The following FAM151B variants were observed in gnomAD, a reference collection of about 807,000 sequenced individuals.
FAM151B encodes protein FAM151B.
In FAM151B, 24 loss-of-function variants were observed where a neutral mutation model predicts 31.2. That is an observed-to-expected ratio of 0.77 (90% CI 0.56 to 1.08). The LOEUF (loss-of-function observed/expected upper bound fraction) is 1.08, where lower values mean the gene tolerates loss of function less well. FAM151B is among the 50% of genes least tolerant of loss of function. The pLI is 0.00. For synonymous variants in FAM151B, 105 were observed against 111.4 expected, an observed-to-expected ratio of 0.94 and a Z score of 0.36; for missense variants, 293 against 328.6, an observed-to-expected ratio of 0.89 and a Z score of 0.84.
chr5:80,489,064 T>C (rs576105188), intron 1 of FAM151B, among the ~76,000 whole-genome samples: 2 of 152,312 alleles, frequency 1.3e-5, no homozygotes, highest in East Asian at 1.9e-4. Flanking sequence ...CTGCATCTTA[T>C]ACTATCCCAT....
chr5:80,504,005 G>T (rs879885335), intron 2 of FAM151B, among the ~76,000 whole-genome samples: 1 of 152,104 alleles, frequency 6.6e-6, no homozygotes, highest in Non-Finnish European at 1.5e-5. Context: ...TGTATCTTCT[G>T]TGTCTCCAGG....
intron 5 of FAM151B, among the ~76,000 whole-genome samples, chr5:80,535,638 G>T (rs953859356): frequency 1.2e-4 from 18 of 152,130 alleles, no homozygotes; most frequent in African/African-American, 3.9e-4. Flanking sequence ...TGAAACTACT[G>T]CAAGAAAACA....
chr5:80,494,607 G>C (rs901722583), intron 1 of FAM151B, among the ~76,000 whole-genome samples: 5 of 151,598 alleles, frequency 3.3e-5, no homozygotes, highest in African/African-American at 9.7e-5. Flanking sequence ...GGACCTCCTG[G>C]GTTCAATCGA....
At chr5:80,536,897 G>C (rs1745539268) in intron 5 of FAM151B, among the ~76,000 whole-genome samples, 1 of 152,138 alleles carries the variant, frequency 6.6e-6, no homozygotes. Context: ...ACCAGAGGCG[G>C]GGATAGGTAG....
At chr5:80,521,144 A>AG (rs1744693743) in intron 4 of FAM151B, among the ~76,000 whole-genome samples, 1 of 99,160 alleles carries the variant, frequency 1.0e-5, no homozygotes, top group Admixed American at 1.2e-4. Context: ...TTTTTTTTAA[A>AG]AAACAGGGTC....
At chr5:80,501,706 T>G in intron 1 of FAM151B, 86 bp from the exon 2 acceptor site, 1 of 900,994 alleles carries the variant, frequency 1.1e-6, no homozygotes, top group Non-Finnish European at 1.7e-6. Flanking sequence ...CATATGTGTA[T>G]CTTAAATATA....
chr5:80,538,626 T>A (rs1157807506), intron 5 of FAM151B, among the ~76,000 whole-genome samples: 5 of 148,888 alleles, frequency 3.4e-5, no homozygotes, highest in Middle Eastern at 3.4e-3. Context: ...AGATGGAGTC[T>A]TGCTCTGTTG....
chr5:80,498,811 T>C, intron 1 of FAM151B: 1 of 474,914 alleles, frequency 2.1e-6, no homozygotes, highest in South Asian at 1.8e-5. Flanking sequence ...TCCTTTTGAA[T>C]GTTGTAGTCA....
intron 3 of FAM151B, among the ~76,000 whole-genome samples, chr5:80,516,827 T>C (rs1015352194): frequency 5.9e-5 from 9 of 152,272 alleles, no homozygotes; most frequent in African/African-American, 2.2e-4. Flanking sequence ...AGGCTTGGTC[T>C]GTTATTTCTT....
intron 1 of FAM151B, chr5:80,498,538 C>G (rs569421407): frequency 9.4e-7 from 1 of 1,063,744 alleles, no homozygotes; most frequent in Non-Finnish European, 1.4e-6. Context: ...AATTACTTGT[C>G]TTCTGGTTTG....
intron 1 of FAM151B, chr5:80,498,901 C>A: frequency 6.2e-6 from 2 of 325,156 alleles, no homozygotes; most frequent in South Asian, 3.4e-5. Flanking sequence ...GGATTTTGGC[C>A]TTTACCTTTT....
intron 5 of FAM151B, among the ~76,000 whole-genome samples, chr5:80,532,837 A>G (rs1030547973): frequency 1.3e-5 from 2 of 152,204 alleles, no homozygotes; most frequent in Non-Finnish European, 2.9e-5. Context: ...AGAAATCAAT[A>G]ATGAGGAATT....
intron 4 of FAM151B, among the ~76,000 whole-genome samples, chr5:80,520,720 GTTTA>G (rs1282895094): frequency 3.5e-5 from 5 of 142,730 alleles, no homozygotes; most frequent in South Asian, 2.2e-4. Context: ...TATGTATATA[GTTTA>G]TTTATATATA....
At chr5:80,528,671 C>T (rs894966897) in intron 5 of FAM151B, among the ~76,000 whole-genome samples, 6 of 151,604 alleles carry the variant, frequency 4.0e-5, no homozygotes, top group African/African-American at 1.5e-4. Context: ...GTGGAGGCTG[C>T]AGTGAGCTAT....
chr5:80,511,134 GAA>G (rs988519290), intron 2 of FAM151B: 11 of 152,226 alleles, frequency 7.2e-5, no homozygotes, highest in African/African-American at 2.6e-4. Context: ...GCGCCACATA[GAA>G]AATGAATCTG....
intron 5 of FAM151B, among the ~76,000 whole-genome samples, chr5:80,534,296 C>G (rs10072790): frequency 0.056 from 8,412 of 151,524 alleles, 319 homozygotes; most frequent in Non-Finnish European, 0.086. Flanking sequence ...CAGACAAAGA[C>G]ACATTAAAAA....
intron 2 of FAM151B, chr5:80,511,111 T>C (rs1310297443): frequency 1.3e-5 from 2 of 151,694 alleles, no homozygotes; most frequent in South Asian, 2.1e-4. Context: ...ATAGAAGAAG[T>C]TGAGAAAAAA....
intron 5 of FAM151B, among the ~76,000 whole-genome samples, chr5:80,533,586 C>T (rs1345813872): frequency 6.6e-6 from 1 of 151,366 alleles, no homozygotes; most frequent in East Asian, 1.9e-4. Flanking sequence ...ACCCTCTCTA[C>T]TAAAAATACA....
intron 2 of FAM151B, among the ~76,000 whole-genome samples, chr5:80,512,043 TTTTTCAAA>T (rs1744211772): frequency 6.6e-6 from 1 of 152,234 alleles, no homozygotes; most frequent in African/African-American, 2.4e-5. Flanking sequence ...TTTATGCATT[TTTTTCAAA>T]TTTGACTCCA....
Sources: gnomAD v4.1 joint callset for allele counts (sites outside exome capture counted in the v4.1 genomes callset) on GRCh38, gnomAD v4.1.1 for gene constraint, MANE v1.5 for transcripts, NCBI Gene and HGNC (gene_info 2026-07-23, HGNC 2026-07-21) for gene names.